DMTF1: variants seen among roughly 807,000 people sequenced by gnomAD.
DMTF1 encodes cyclin-D-binding Myb-like transcription factor 1.
A neutral mutation model predicts 91.1 loss-of-function variants in DMTF1; 39 were observed. That is an observed-to-expected ratio of 0.43 (90% CI 0.33 to 0.56). The LOEUF is 0.56. Ranked by LOEUF, DMTF1 falls within the 20% of genes least tolerant of loss-of-function variation. The probability of loss-of-function intolerance (pLI) is 0.05; values close to 1 mark genes in which losing one functional copy is unlikely to be tolerated. For synonymous variants in DMTF1, 338 were observed against 309.5 expected, an observed-to-expected ratio of 1.09 and a Z score of -0.97; for missense variants, 750 against 914.5, an observed-to-expected ratio of 0.82 and a Z score of 2.32.
chr7:87,173,868 T>A (rs992405435), intron 6 of DMTF1, among the ~76,000 whole-genome samples: 5 of 152,214 alleles, frequency 3.3e-5, no homozygotes, highest in Non-Finnish European at 7.3e-5. Context: ...TCCCCTGATT[T>A]GAAGTAAATT....
intron 1 of DMTF1, among the ~76,000 whole-genome samples, chr7:87,160,573 G>A (rs983370922): frequency 1.3e-5 from 2 of 151,882 alleles, no homozygotes; most frequent in Non-Finnish European, 2.9e-5. Context: ...CACCACACCC[G>A]GCCTGTAGTT....
Position 87,184,516 on chromosome 7 carries a change from G to T in DMTF1, c.940G>T (p.Gly314Cys). ...VSWAAVAERVGTRSEKQCRSK... is the reference protein window; with the variant it reads ...VSWAAVAERVCTRSEKQCRSK... Reference sequence around the variant, plus strand: ...TTGGGCAGCTGTGGCTGAACGAGTCGGTACCCGCTCAGAAAAGCAATGTCG... The same window carrying T: ...TTGGGCAGCTGTGGCTGAACGAGTCTGTACCCGCTCAGAAAAGCAATGTCG... Residue 314 changes from glycine (G) to cysteine (C), a missense_variant, in exon 11 of 18, where the codon GGT (glycine) becomes TGT (cysteine). Physicochemically the swap from Gly to Cys is radical, Grantham distance 159. Around this residue, in one of 3 missense-constraint regions of DMTF1, gnomAD observed 190 missense variants for 343.8 expected, o/e 0.55. Transcript: ENST00000331242. 1 of 1,613,976 alleles carries T rather than the reference G, an allele frequency of 6.2e-7. No homozygotes were observed. The highest frequency in any genetic ancestry group is 8.5e-7 in the Non-Finnish European group (1 of 1,179,948).
At chr7:87,178,766 G>A (rs1796754107) in intron 7 of DMTF1, among the ~76,000 whole-genome samples, 1 of 132,210 alleles carries the variant, frequency 7.6e-6, no homozygotes, top group South Asian at 2.6e-4. Context: ...GCAAAGAAAT[G>A]TACCCACTTT....
At chr7:87,171,269 A>T (rs965683612) in intron 5 of DMTF1, among the ~76,000 whole-genome samples, 180 bp downstream of exon 5, 1 of 151,820 alleles carries the variant, frequency 6.6e-6, no homozygotes, top group African/African-American at 2.4e-5. Flanking sequence ...ATTACTGCCA[A>T]AGAGTTGAGT....
intron 1 of DMTF1, chr7:87,154,498 C>T (rs1790162666): frequency 6.6e-6 from 1 of 152,656 alleles, no homozygotes; most frequent in Admixed American, 6.5e-5. Flanking sequence ...AGCCAAAATG[C>T]TATTGCCCTG....
Position 87,188,184 on chromosome 7 carries a change from A to G in DMTF1, c.1294A>G (p.Asn432Asp). The change falls in exon 13 of 18, where the codon AAT (asparagine) becomes GAT (aspartate). Residue 432 changes from asparagine (N) to aspartate (D), a missense_variant. Coordinates refer to ENST00000331242, the MANE Select transcript of DMTF1 (RefSeq NM_001142327.2). ...NKSGSGVPNS[N>D]TNSSVQHVQI... ...ATCAGGATCTGGAGTTCCAAACAGTAATACCAATTCCAGTGTGCAGCATGT... is the reference window on the plus strand; with the variant it reads ...ATCAGGATCTGGAGTTCCAAACAGTGATACCAATTCCAGTGTGCAGCATGT... The G allele has an allele frequency of 2.5e-6, 4 of 1,614,012 alleles. No individual in the cohort carries two copies. Among genetic ancestry groups the G allele is most frequent in the Non-Finnish European group, 3.4e-6 (4 of 1,179,920 alleles).
chr7:87,177,814 C>G (rs1796556625), intron 7 of DMTF1, among the ~76,000 whole-genome samples: 1 of 152,062 alleles, frequency 6.6e-6, no homozygotes, highest in Non-Finnish European at 1.5e-5. Context: ...AGTGTCCATT[C>G]TGTTCTAAAT....
Position 87,195,190 on chromosome 7 carries a change from T to C in DMTF1, c.*50T>C. ...CAAGCAAAGAAGGCACACTGTTAAT[T>C]ACAACCTCTTCAAAGAAATAGGAGC... On this transcript the variant is annotated 3_prime_UTR_variant, in exon 18 of 18. Transcript: ENST00000331242. The C allele has an allele frequency of 7.6e-7, 1 of 1,317,468 alleles. No individual in the cohort carries two copies. Among genetic ancestry groups the C allele is most frequent in the East Asian group, 2.3e-5 (1 of 43,248 alleles). 81.6% of individuals were successfully genotyped at this position (1,317,468 alleles called of 1,614,324 possible).
At chr7:87,178,945 C>T (rs1192826753) in intron 7 of DMTF1, among the ~76,000 whole-genome samples, 2 of 151,798 alleles carry the variant, frequency 1.3e-5, no homozygotes, top group Non-Finnish European at 2.9e-5. Context: ...GATTTTCTGT[C>T]TCTTCCAGAG....
rs774795244 is a variant in DMTF1, at chr7:87,184,609, A to C, written c.1033A>C (p.Ile345Leu). 6.2e-7 allele frequency: 1 copy of C among 1,613,700 alleles called. No individual in the cohort carries two copies. The highest frequency in any genetic ancestry group is 1.1e-5 in the South Asian group (1 of 91,070). ...TACTGAATGGACCAAGGAAGATGAA[A>C]TCAATCTCATCCTCAGGTTTGTGTC... ...GGTEWTKEDEINLILRIAELD... is the reference protein window; with the variant it reads ...GGTEWTKEDELNLILRIAELD... The change falls in exon 11 of 18, where the codon ATC becomes CTC. Residue 345 changes from isoleucine to leucine, a missense_variant. Ile to Leu is a conservative substitution (Grantham distance 5). Coordinates refer to ENST00000331242, the MANE Select transcript of DMTF1 (RefSeq NM_001142327.2).
Position 87,195,241 on chromosome 7 carries a change from A to G in DMTF1, c.*101A>G, listed in dbSNP as rs1029441664. 17 of 775,032 alleles carry G rather than the reference A, an allele frequency of 2.2e-5. No homozygotes were observed. The South Asian group carries it at 2.9e-4, about 13-fold the overall frequency. The allele number at this position is 775,032 out of a possible 1,614,324, so 48.0% of individuals were successfully genotyped here. On this transcript the variant is annotated 3_prime_UTR_variant, in exon 18 of 18. Coordinates refer to ENST00000331242, the MANE Select transcript of DMTF1 (RefSeq NM_001142327.2). ...AACCCCCAAGAGGCTTAATTTACCA[A>G]TTTAAATAGCCACAGTCCTTAAGCC...
chr7:87,157,067 C>G (rs757739376), intron 1 of DMTF1, among the ~76,000 whole-genome samples: 1 of 151,964 alleles, frequency 6.6e-6, no homozygotes, highest in Non-Finnish European at 1.5e-5. Context: ...AGAAGACTTG[C>G]AAATCACATA....
At chr7:87,166,414 A>C in intron 3 of DMTF1, 69 bp from the exon 4 acceptor site, 1 of 1,498,646 alleles carries the variant, frequency 6.7e-7, no homozygotes, top group South Asian at 1.2e-5. Flanking sequence ...AAAATTGTAG[A>C]GCCATTGTTA....
chr7:87,194,483 C>T lies in DMTF1; in HGVS notation c.2029-201C>T, dbSNP rs924800436. 1.7e-5 allele frequency: 8 copies of T among 481,694 alleles called. No individual in the cohort carries two copies. The East Asian group carries it at 2.1e-4, about 13-fold the overall frequency. 29.8% of individuals were successfully genotyped at this position (481,694 alleles called of 1,614,324 possible). On this transcript the variant is annotated intron_variant, in intron 16 of 17. Transcript: ENST00000331242. Reference sequence around the variant, plus strand: ...TATATTCAGCTGACCTATAACTGACCTAGTCCTTATGAGTTCCTTTTGTTA... The same window carrying T: ...TATATTCAGCTGACCTATAACTGACTTAGTCCTTATGAGTTCCTTTTGTTA...
intron 1 of DMTF1, chr7:87,154,362 A>G (rs1790130234): frequency 6.6e-6 from 1 of 152,586 alleles, no homozygotes; most frequent in African/African-American, 2.4e-5. Context: ...GCCACCAAAC[A>G]AGCTAATTTT....
At position 87,188,315 on chromosome 7, in the gene DMTF1, C is replaced by T. The variant is rs1798924211; in HGVS notation, c.1411+14C>T. Reference sequence around the variant, plus strand: ...TCACCCATGTTTGTAAGTGTTTGATCTTCAAGATTCCTTGCTGTTTGATCT... The same window carrying T: ...TCACCCATGTTTGTAAGTGTTTGATTTTCAAGATTCCTTGCTGTTTGATCT... On this transcript the variant is annotated intron_variant, in intron 13 of 17. Coordinates refer to ENST00000331242, the MANE Select transcript of DMTF1 (RefSeq NM_001142327.2). 1 of 1,612,906 alleles carries T rather than the reference C, an allele frequency of 6.2e-7. No individual in the cohort carries two copies. The highest frequency in any genetic ancestry group is 8.5e-7 in the Non-Finnish European group (1 of 1,179,114).
rs1350447678 is a variant in DMTF1 at position 87,187,706 on chromosome 7, C to T, written c.1202-386C>T. ...ACAGTCAAGGGCCCTTCAGCCCTGG[C>T]GGGGAAAACATACACTATTCGTTTA... On this transcript the variant is annotated intron_variant, in intron 12 of 17. Transcript: ENST00000331242. The T allele has an allele frequency of 1.9e-5, 4 of 213,056 alleles. No homozygotes were observed. In the South Asian group the frequency reaches 2.2e-4, roughly 12 times the overall value. The allele number at this position is 213,056 out of a possible 1,614,324, so 13.2% of individuals were successfully genotyped here.
chr7:87,163,914 A>C (rs1365341136), intron 2 of DMTF1, among the ~76,000 whole-genome samples: 6 of 152,088 alleles, frequency 3.9e-5, no homozygotes, highest in Admixed American at 3.9e-4. Context: ...GCGTGTTGGC[A>C]CGTGCCTGTA....
At chr7:87,181,747 A>G (rs971295273) in intron 9 of DMTF1, among the ~76,000 whole-genome samples, 13 of 152,204 alleles carry the variant, frequency 8.5e-5, no homozygotes, top group Non-Finnish European at 1.6e-4. Context: ...TGCAAAGGCT[A>G]TTGAATCTCA....
Sources: gnomAD v4.1 joint callset for allele counts (sites outside exome capture counted in the v4.1 genomes callset) on GRCh38, gnomAD v4.1.1 for gene constraint, gnomAD v4.1.1 regional missense constraint, MANE v1.5 for transcripts, NCBI Gene and HGNC (gene_info 2026-07-23, HGNC 2026-07-21) for gene names.